FRMPD2: variants seen among roughly 807,000 people sequenced by gnomAD.
The protein encoded by FRMPD2 is FERM and PDZ domain containing 2.
In FRMPD2, 96 loss-of-function variants were observed where a neutral mutation model predicts 140.1. The observed-to-expected ratio is 0.69, with a 90% CI of 0.58 to 0.81. The LOEUF is 0.81. Ranked by LOEUF, FRMPD2 falls within the 40% of genes least tolerant of loss-of-function variation. FRMPD2 has a pLI of 0.00. For synonymous variants in FRMPD2, 449 were observed against 547.6 expected, an observed-to-expected ratio of 0.82 and a Z score of 2.52; for missense variants, 1,240 against 1,447.4, an observed-to-expected ratio of 0.86 and a Z score of 2.32.
chr10:48,185,245 G>T (rs1838651658), intron 18 of FRMPD2, among the ~76,000 whole-genome samples: 1 of 152,188 alleles, frequency 6.6e-6, no homozygotes, highest in Non-Finnish European at 1.5e-5. Context: ...CTAGTAAGAG[G>T]TGAGATAAAT....
chr10:48,273,203 A>G (rs1673853007), intron 1 of FRMPD2, among the ~76,000 whole-genome samples: 1 of 152,092 alleles, frequency 6.6e-6, no homozygotes, highest in Admixed American at 6.5e-5. Context: ...TTGTTTTCTT[A>G]GGTTAGGCCA....
chr10:48,200,087 T>A (rs1191443697), intron 15 of FRMPD2, among the ~76,000 whole-genome samples: 1 of 151,782 alleles, frequency 6.6e-6, no homozygotes, highest in Non-Finnish European at 1.5e-5. Flanking sequence ...CAAGGTTTAT[T>A]TGTTACCTTT....
At position 48,174,910 on chromosome 10, in the gene FRMPD2, G is replaced by A; in HGVS notation, c.3035C>T (p.Thr1012Ile). 1 of 654,560 alleles carries A rather than the reference G, an allele frequency of 1.5e-6. No individual in the cohort carries two copies. The highest frequency in any genetic ancestry group is 2.7e-6 in the Non-Finnish European group (1 of 364,858). 40.5% of individuals were successfully genotyped at this position (654,560 alleles called of 1,614,324 possible). The change falls in exon 24 of 29, where the codon ACC (threonine) becomes ATC (isoleucine). Residue 1012 changes from threonine to isoleucine, a missense_variant. By Grantham distance (89) the Thr-to-Ile change is moderately conservative. Transcript: ENST00000374201. ...QVDGVILCGL[T>I]HKQAVQCLTG... ...CAGGCACTGCACAGCCTGCTTGTGG[G>A]TGAGGCCGCACAGAATCACTCCATC...
intron 4 of FRMPD2, among the ~76,000 whole-genome samples, chr10:48,242,959 G>GA (rs1354276874): frequency 2.0e-5 from 3 of 152,234 alleles, no homozygotes; most frequent in African/African-American, 7.2e-5. Context: ...ATTCATAGGA[G>GA]AAAGTCCTCA....
At chr10:48,273,686 C>A (rs1046514763) in intron 1 of FRMPD2, among the ~76,000 whole-genome samples, 1 of 152,298 alleles carries the variant, frequency 6.6e-6, no homozygotes, top group South Asian at 2.1e-4. Context: ...CCCCCCGACC[C>A]CCACTGTCCT....
chr10:48,161,693 A>G (rs1167534104), intron 28 of FRMPD2, among the ~76,000 whole-genome samples: 3 of 151,502 alleles, frequency 2.0e-5, no homozygotes, highest in Non-Finnish European at 4.4e-5. Flanking sequence ...CAAGTTCTGC[A>G]TCCCTGCAGA....
chr10:48,231,953 A>C (rs544006841), intron 10 of FRMPD2, among the ~76,000 whole-genome samples, 162 bp downstream of exon 10: 1 of 152,238 alleles, frequency 6.6e-6, no homozygotes, highest in Non-Finnish European at 1.5e-5. Context: ...TGCTTTATCC[A>C]TGAGTACTTG....
At chr10:48,269,316 T>C (rs985789317) in intron 1 of FRMPD2, among the ~76,000 whole-genome samples, 4 of 152,176 alleles carry the variant, frequency 2.6e-5, no homozygotes, top group South Asian at 2.1e-4. Context: ...ATTGAGAACA[T>C]GTATTTGCCA....
At chr10:48,210,533 T>C (rs1839296441) in intron 13 of FRMPD2, among the ~76,000 whole-genome samples, 1 of 152,024 alleles carries the variant, frequency 6.6e-6, no homozygotes, top group African/African-American at 2.4e-5. Flanking sequence ...TGCCGCAGGG[T>C]TGGGTCCTTG....
rs375445543 is a variant in FRMPD2 at position 48,168,649 on chromosome 10, G to A, written c.3483C>T (p.Leu1161=). The A allele has an allele frequency of 7.6e-5, 84 of 1,108,878 alleles. 28 individuals carry two copies. Among genetic ancestry groups the A allele is most frequent in the Non-Finnish European group, 8.5e-5 (67 of 786,436 alleles). The allele number at this position is 1,108,878 out of a possible 1,614,324, so 68.7% of individuals were successfully genotyped here. A position where few individuals can be genotyped will look rare whatever the true frequency, so the allele number is the denominator to read the frequency against. Residue 1161 remains leucine (L), a synonymous_variant, in exon 27 of 29, where the codon CTC becomes CTT. Transcript: ENST00000374201. ...LLRGAPQEVT[L]LLCRPPPGAL... is the part of the protein sequence containing the mutation. ...CACCTGGAGGGGGTCGGCAAAGGAG[G>A]AGCGTGACTTCCTGTGGGGCCCCTC...
At chr10:48,170,363 T>G (rs1328172512) in intron 26 of FRMPD2, among the ~76,000 whole-genome samples, 27 of 152,214 alleles carry the variant, frequency 1.8e-4, no homozygotes, top group Non-Finnish European at 3.4e-4. Context: ...CCAACAGCTC[T>G]CCATTCCTGG....
chr10:48,236,299 T>G (rs1432668375), intron 9 of FRMPD2, among the ~76,000 whole-genome samples, 183 bp downstream of exon 9: 4 of 152,126 alleles, frequency 2.6e-5, no homozygotes, highest in African/African-American at 9.7e-5. Flanking sequence ...TGGGGCCCCT[T>G]TAACAGGCTG....
chr10:48,273,148 C>A (rs1840798033), intron 1 of FRMPD2, among the ~76,000 whole-genome samples: 2 of 152,156 alleles, frequency 1.3e-5, no homozygotes, highest in Non-Finnish European at 2.9e-5. Flanking sequence ...GCTCACAGTG[C>A]TGGCAGCACC....
chr10:48,163,610 C>G lies in FRMPD2; in HGVS notation c.3599G>C (p.Ser1200Thr). 7.7e-7 allele frequency: 1 copy of G among 1,307,180 alleles called. No homozygotes were observed. The highest frequency in any genetic ancestry group is 1.1e-6 in the Non-Finnish European group (1 of 904,952). 81.0% of individuals were successfully genotyped at this position (1,307,180 alleles called of 1,614,324 possible). The change falls in exon 28 of 29, where the codon AGC becomes ACC. Residue 1200 changes from serine to threonine, a missense_variant. Coordinates refer to ENST00000374201, the MANE Select transcript of FRMPD2 (RefSeq NM_001018071.4). ...GCTGTCCTCTTGATCCAGGATGGGGCTGGTACATGAGTCAGTACATGTTGC... is the reference window on the plus strand; with the variant it reads ...GCTGTCCTCTTGATCCAGGATGGGGGTGGTACATGAGTCAGTACATGTTGC... ...TRATCTDSCTSPILDQEDSWR... is the reference protein window; with the variant it reads ...TRATCTDSCTTPILDQEDSWR...
Position 48,251,583 on chromosome 10 carries a change from A to G in FRMPD2, c.134T>C (p.Leu45Pro). 1.9e-6 allele frequency: 3 copies of G among 1,614,236 alleles called. No individual in the cohort carries two copies. The highest frequency in any genetic ancestry group is 2.5e-6 in the Non-Finnish European group (3 of 1,180,036). ...TCTCTTACCGTTGCGGAGGTCTTCCAGGAGCTGCTCAGCGGCCAGGAACAG... is the reference window on the plus strand; with the variant it reads ...TCTCTTACCGTTGCGGAGGTCTTCCGGGAGCTGCTCAGCGGCCAGGAACAG... ...SLLFLAAEQL[L>P]EDLRNDSSDY... Residue 45 changes from leucine (L) to proline (P), a missense_variant, in exon 2 of 29, where the codon CTG (leucine) becomes CCG (proline). Coordinates refer to ENST00000374201, the MANE Select transcript of FRMPD2 (RefSeq NM_001018071.4).
intron 12 of FRMPD2, among the ~76,000 whole-genome samples, chr10:48,217,753 G>A (rs1839484763): frequency 6.6e-6 from 1 of 152,120 alleles, no homozygotes; most frequent in South Asian, 2.1e-4. Context: ...TGTTGGGCTT[G>A]TCCTTGCTCT....
intron 9 of FRMPD2, 82 bp downstream of exon 9, chr10:48,236,400 C>T: frequency 8.7e-7 from 1 of 1,149,916 alleles, no homozygotes; most frequent in Non-Finnish European, 1.3e-6. Flanking sequence ...ATGTGAGACC[C>T]CATTCAGACA....
intron 12 of FRMPD2, among the ~76,000 whole-genome samples, chr10:48,214,801 A>C (rs1372239272): frequency 6.6e-6 from 1 of 152,212 alleles, no homozygotes; most frequent in Non-Finnish European, 1.5e-5. Flanking sequence ...ACATGGTGCT[A>C]CTGGGTGAAT....
At chr10:48,241,917 T>C (rs978795703) in intron 5 of FRMPD2, 3 of 279,924 alleles carry the variant, frequency 1.1e-5, no homozygotes, top group African/African-American at 6.5e-5. Context: ...AAACTGGGGC[T>C]TGCCTAAAGG....
Sources: gnomAD v4.1 joint callset for allele counts (sites outside exome capture counted in the v4.1 genomes callset) on GRCh38, gnomAD v4.1.1 for gene constraint, MANE v1.5 for transcripts, NCBI Gene and HGNC (gene_info 2026-07-23, HGNC 2026-07-21) for gene names.